The following PLXNC1 variants were observed in gnomAD, a reference collection of about 807,000 sequenced individuals.
PLXNC1 encodes plexin C1, also known as plexin-C1.
PLXNC1 carries 75 observed loss-of-function variants against 178.2 expected under a neutral mutation model. The ratio of observed to expected loss-of-function variants is 0.42; its 90% CI spans 0.35 to 0.51. The LOEUF is 0.51. Among genes scored for constraint, PLXNC1 ranks in the 20% least tolerant of loss-of-function variants. The pLI is 0.02. For missense variants in PLXNC1, 1,503 were observed against 1,984.4 expected, an observed-to-expected ratio of 0.76 and a Z score of 4.61; for synonymous variants, 790 against 779.9, an observed-to-expected ratio of 1.01 and a Z score of -0.22.
At chr12:94,258,564 T>C (rs1301650159) in intron 17 of PLXNC1, among the ~76,000 whole-genome samples, 1 of 152,250 alleles carries the variant, frequency 6.6e-6, no homozygotes. Context: ...TTAATAAGAT[T>C]GATGATACAC....
intron 5 of PLXNC1, among the ~76,000 whole-genome samples, chr12:94,218,961 G>C (rs1963717976): frequency 6.6e-6 from 1 of 152,072 alleles, no homozygotes; most frequent in African/African-American, 2.4e-5. Context: ...AGATCAAAGA[G>C]AAACAGATGA....
chr12:94,160,859 G>A (rs974628007), intron 1 of PLXNC1, among the ~76,000 whole-genome samples: 1 of 152,140 alleles, frequency 6.6e-6, no homozygotes, highest in Admixed American at 6.5e-5. Flanking sequence ...GTATAGTAAT[G>A]TATCTTAACA....
chr12:94,227,236 G>A lies in PLXNC1; in HGVS notation c.1980+1G>A. 1 of 1,591,396 alleles carries A rather than the reference G, an allele frequency of 6.3e-7. No homozygotes were observed. The highest frequency in any genetic ancestry group is 8.6e-7 in the Non-Finnish European group (1 of 1,159,534). ...GAACAGAACCAACCAGGCTTTACAG[G>A]TCAGACCCTATTTTTGTGTGGTTGA... On this transcript the variant is annotated splice_donor_variant, in intron 9 of 30. Transcript: ENST00000258526. LOFTEE classifies it high-confidence loss of function.
chr12:94,247,768 G>A (rs1964569706), intron 12 of PLXNC1, 135 bp from the exon 13 acceptor site: 5 of 738,072 alleles, frequency 6.8e-6, no homozygotes, highest in Non-Finnish European at 1.2e-5. Flanking sequence ...GAGGGAGGTA[G>A]TTTTGCTGTC....
At chr12:94,168,722 A>G (rs1163127610) in intron 1 of PLXNC1, among the ~76,000 whole-genome samples, 2 of 152,180 alleles carry the variant, frequency 1.3e-5, no homozygotes, top group Non-Finnish European at 2.9e-5. Context: ...TCCGTGTCAC[A>G]TCTTGGGAAA....
rs79278700 is a variant in PLXNC1, at chr12:94,219,176, T to G, written c.1555-840T>G. 2.0e-5 allele frequency among the ~76,000 whole-genome samples: 3 copies of G among 152,216 alleles called. No homozygotes were observed. In the East Asian group the frequency reaches 5.8e-4, roughly 29 times the overall value. ...AGCAGGAGAGATTTGCCTTATCAGA[T>G]GCTAAATATATTTAAAATTACAGGA... On this transcript the variant is annotated intron_variant, in intron 5 of 30. Coordinates refer to ENST00000258526, the MANE Select transcript of PLXNC1 (RefSeq NM_005761.3).
At chr12:94,259,988 C>T (rs1385033501) in intron 19 of PLXNC1, among the ~76,000 whole-genome samples, 2 of 152,080 alleles carry the variant, frequency 1.3e-5, no homozygotes, top group African/African-American at 4.8e-5. Context: ...TGAGAACATG[C>T]ACTTTTCCAA....
chr12:94,283,743 C>T (rs1330916264), intron 23 of PLXNC1, among the ~76,000 whole-genome samples: 1 of 152,082 alleles, frequency 6.6e-6, no homozygotes, highest in Non-Finnish European at 1.5e-5. Flanking sequence ...GCCACAAGAT[C>T]AGATGAGCCA....
intron 1 of PLXNC1, 60 bp downstream of exon 1, chr12:94,150,093 C>T: frequency 1.5e-6 from 2 of 1,365,538 alleles, no homozygotes; most frequent in South Asian, 1.5e-5. Context: ...GCCGCCGCCG[C>T]CGAGGCAGAA....
At chr12:94,158,387 T>C (rs1398293981) in intron 1 of PLXNC1, among the ~76,000 whole-genome samples, 3 of 152,212 alleles carry the variant, frequency 2.0e-5, no homozygotes, top group African/African-American at 7.2e-5. Flanking sequence ...AAGGGCTTAA[T>C]GAGACGGGCA....
At chr12:94,204,787 G>T (rs1963249561) in intron 4 of PLXNC1, among the ~76,000 whole-genome samples, 1 of 152,214 alleles carries the variant, frequency 6.6e-6, no homozygotes, top group Non-Finnish European at 1.5e-5. Context: ...ACCTTGGGTT[G>T]CTCTTATAGC....
chr12:94,304,394 A>C (rs1038061274), intron 30 of PLXNC1: 1 of 190,376 alleles, frequency 5.3e-6, no homozygotes, highest in Non-Finnish European at 1.1e-5. Context: ...ATGAAAGCTA[A>C]GCTTGTTAAA....
At chr12:94,301,594 G>A (rs760564234) in intron 28 of PLXNC1, among the ~76,000 whole-genome samples, 7 of 152,126 alleles carry the variant, frequency 4.6e-5, no homozygotes, top group Admixed American at 3.3e-4. Context: ...AGCAAACTTC[G>A]AAAGAGATGT....
At chr12:94,206,630 A>T (rs1963310050) in intron 4 of PLXNC1, among the ~76,000 whole-genome samples, 6 of 152,222 alleles carry the variant, frequency 3.9e-5, no homozygotes, top group Admixed American at 3.9e-4. Flanking sequence ...CTAGAAAAAT[A>T]AAATACTGAC....
rs181074706 is a variant in PLXNC1, at chr12:94,194,473, G to A, written c.1439+8000G>A. 6.6e-5 allele frequency among the ~76,000 whole-genome samples: 10 copies of A among 152,244 alleles called. 1 individual carries two copies. Among genetic ancestry groups the A allele is most frequent in the African/African-American group, 2.2e-4 (9 of 41,506 alleles). ...TGGCCAGGTATTGCAAAAAAGTGCT[G>A]GGATTACAGGCACATAATCCTGGGA... On this transcript the variant is annotated intron_variant, in intron 4 of 30. Coordinates refer to ENST00000258526, the MANE Select transcript of PLXNC1 (RefSeq NM_005761.3).
At chr12:94,151,967 A>C (rs923982557) in intron 1 of PLXNC1, among the ~76,000 whole-genome samples, 15 of 152,206 alleles carry the variant, frequency 9.9e-5, no homozygotes, top group Non-Finnish European at 1.8e-4. Context: ...AAGGATAAAC[A>C]CATGCTGCCA....
chr12:94,190,674 C>T (rs1161854493), intron 4 of PLXNC1, among the ~76,000 whole-genome samples: 1 of 152,226 alleles, frequency 6.6e-6, no homozygotes. Context: ...TCTTAGAACT[C>T]AGTCTGACTC....
chr12:94,177,219 G>GTA (rs1555195648), intron 2 of PLXNC1, among the ~76,000 whole-genome samples: 4 of 88,458 alleles, frequency 4.5e-5, no homozygotes, highest in African/African-American at 1.7e-4. Flanking sequence ...ATATGTGTGT[G>GTA]TATATATATA....
In PLXNC1 at chr12:94,262,764, G is replaced by A. The variant is rs118062982; in HGVS notation, c.3450+1924G>A. 121 of 985,468 alleles carry A rather than the reference G, an allele frequency of 1.2e-4. No homozygotes were observed. The East Asian group carries it at 0.012, about 102-fold the overall frequency. 61.0% of individuals were successfully genotyped at this position (985,468 alleles called of 1,614,324 possible). On this transcript the variant is annotated intron_variant, in intron 20 of 30. Coordinates refer to ENST00000258526, the MANE Select transcript of PLXNC1 (RefSeq NM_005761.3). ...GTGACAGTAGCTCCGTGACCGCCAG[G>A]TAACTTTCCCTTCCAAGACACCAAG...
Sources: allele counts gnomAD v4.1 joint callset (sites outside exome capture counted in the v4.1 genomes callset), GRCh38; gene constraint gnomAD v4.1.1; transcripts MANE v1.5; gene names NCBI Gene and HGNC (gene_info 2026-07-23, HGNC 2026-07-21).